AFTPH: variants seen among roughly 807,000 people sequenced by gnomAD.
The protein encoded by AFTPH is aftiphilin, also known as aftiphilin protein.
In AFTPH, 7 loss-of-function variants were observed where a neutral mutation model predicts 72.5. The ratio of observed to expected loss-of-function variants is 0.10; its 90% CI spans 0.05 to 0.18. AFTPH has a LOEUF of 0.18. Among genes scored for constraint, AFTPH ranks in the 10% least tolerant of loss-of-function variants. The pLI is 1.00. For synonymous variants in AFTPH, 337 were observed against 370.1 expected (o/e 0.91, Z 1.03); for missense variants, 979 against 1,060.5 (o/e 0.92, Z 1.07).
intron 8 of AFTPH, 140 bp from the exon 10 acceptor site, chr2:64,591,748 C>T: frequency 1.2e-6 from 1 of 850,510 alleles, no homozygotes; most frequent in South Asian, 1.7e-5. Context: ...AAAAGTATTA[C>T]AAGATTCAGG....
chr2:64,545,013 G>C (rs772325866), intron 1 of AFTPH, among the ~76,000 whole-genome samples: 5 of 152,276 alleles, frequency 3.3e-5, no homozygotes, highest in Non-Finnish European at 7.4e-5. Flanking sequence ...AAAAACTTGC[G>C]GAGTTGTTGC....
chr2:64,544,591 T>C (rs1670451589), intron 1 of AFTPH, among the ~76,000 whole-genome samples: 1 of 150,762 alleles, frequency 6.6e-6, no homozygotes, highest in Non-Finnish European at 1.5e-5. Context: ...ATCCTTTTTT[T>C]CCCCTGTTGA....
chr2:64,539,056 A>G (rs1670053363), intron 1 of AFTPH, among the ~76,000 whole-genome samples: 1 of 152,150 alleles, frequency 6.6e-6, no homozygotes, highest in Non-Finnish European at 1.5e-5. Flanking sequence ...CTCAGTATAC[A>G]CTAGTCACTT....
chr2:64,529,039 G>A (rs1669446621), intron 1 of AFTPH, among the ~76,000 whole-genome samples: 2 of 152,174 alleles, frequency 1.3e-5, no homozygotes, highest in Admixed American at 6.5e-5. Flanking sequence ...CAGTAGAGAT[G>A]AGAAGTGGTA....
intron 2 of AFTPH, among the ~76,000 whole-genome samples, chr2:64,560,157 T>G (rs1671631198): frequency 6.6e-6 from 1 of 152,146 alleles, no homozygotes; most frequent in Non-Finnish European, 1.5e-5. Flanking sequence ...AACGTGCCAG[T>G]CGAGAAGCTC....
At chr2:64,542,861 T>C (rs1670341388) in intron 1 of AFTPH, among the ~76,000 whole-genome samples, 1 of 152,232 alleles carries the variant, frequency 6.6e-6, no homozygotes, top group Admixed American at 6.5e-5. Context: ...TAGGTTATTA[T>C]TTTAGCCACA....
At chr2:64,570,922 C>A (rs527630017) in intron 5 of AFTPH, among the ~76,000 whole-genome samples, 1 of 129,812 alleles carries the variant, frequency 7.7e-6, no homozygotes, top group African/African-American at 2.7e-5. Flanking sequence ...CCCTCCCCCC[C>A]CCCCCCACCT....
chr2:64,542,250 C>G lies in AFTPH; in HGVS notation c.-32-9193C>G, dbSNP rs192293291. Among the ~76,000 whole-genome samples, 294 of 152,250 alleles carry G rather than the reference C, an allele frequency of 1.9e-3. 5 individuals are homozygous for G. The highest frequency in any genetic ancestry group is 0.016 in the Admixed American group (250 of 15,282). ...TCTTACTTAGAGACACTCCACCCCC[C>G]TCAAATGTGAGCCCATGGACCTTTA... On this transcript the variant is annotated intron_variant, in intron 1 of 8. Transcript: ENST00000238856.
At chr2:64,571,151 C>T (rs193190043) in intron 5 of AFTPH, among the ~76,000 whole-genome samples, 9 of 152,104 alleles carry the variant, frequency 5.9e-5, no homozygotes, top group African/African-American at 2.2e-4. Context: ...CTTTTGATCT[C>T]ACCCGGAGAA....
intron 1 of AFTPH, among the ~76,000 whole-genome samples, chr2:64,525,260 GTGCCTGGTT>G (rs1669187480): frequency 6.6e-6 from 1 of 152,234 alleles, no homozygotes; most frequent in Non-Finnish European, 1.5e-5. Context: ...TATTCCTTAA[GTGCCTGGTT>G]TGGCAGGTGC....
At chr2:64,549,308 C>CTTTTTTTTTTTTTTTTTTTT (rs34951706) in intron 1 of AFTPH, among the ~76,000 whole-genome samples, 2 of 56,026 alleles carry the variant, frequency 3.6e-5, no homozygotes, top group African/African-American at 1.2e-4. Flanking sequence ...TTAGTCCTCC[C>CTTTTTTTTTTTTTTTTTTTT]TTTTTTTTTT....
chr2:64,556,148 C>T (rs555642095), intron 2 of AFTPH, among the ~76,000 whole-genome samples: 11 of 152,156 alleles, frequency 7.2e-5, no homozygotes, highest in South Asian at 4.2e-4. Flanking sequence ...CCACCACGCC[C>T]GGCTAATTTT....
chr2:64,553,359 A>G (rs1462309119), exon 2 of AFTPH: 1 of 1,607,310 alleles, frequency 6.2e-7, no homozygotes, highest in African/African-American at 1.3e-5. Context: ...AGCAACTTCC[A>G]AAGGAGCAGT....
intron 1 of AFTPH, among the ~76,000 whole-genome samples, chr2:64,536,906 T>C (rs1669922961): frequency 6.9e-6 from 1 of 145,026 alleles, no homozygotes; most frequent in Non-Finnish European, 1.5e-5. Flanking sequence ...TGAGCCATGA[T>C]TGCACCACTG....
At chr2:64,584,591 T>C (rs1441284742) in intron 7 of AFTPH, among the ~76,000 whole-genome samples, 3 of 137,970 alleles carry the variant, frequency 2.2e-5, no homozygotes, top group East Asian at 2.2e-4. Context: ...TCCTTAGTCA[T>C]GATTTTTTTT....
rs763135763 is a variant in AFTPH at position 64,569,246 on chromosome 2, T to G, written c.2214+28T>G. 1.6e-5 allele frequency: 25 copies of G among 1,591,764 alleles called. No individual in the cohort carries two copies. In the Admixed American group the frequency reaches 4.2e-4, roughly 27 times the overall value. On this transcript the variant is annotated intron_variant, in intron 4 of 8. Coordinates refer to ENST00000238856, the Ensembl canonical transcript of AFTPH. ...GAGTTTGTTAGTACCTTGAAAAATC[T>G]TTTAATCAACCTGTGGATGTTTTAA... is the stretch of plus-strand genomic sequence containing the variant.
chr2:64,524,560 T>G (rs1669128616), exon 1 of AFTPH: 1 of 397,356 alleles, frequency 2.5e-6, no homozygotes, highest in Non-Finnish European at 4.4e-6. Context: ...GGGGAGTCAG[T>G]TCCTCCCCGG....
intron 6 of AFTPH, among the ~76,000 whole-genome samples, chr2:64,575,741 G>GTGTA (rs1672734264): frequency 7.8e-6 from 1 of 128,022 alleles, no homozygotes; most frequent in African/African-American, 2.6e-5. Flanking sequence ...GTGTGTGTGT[G>GTGTA]TATATATTTT....
chr2:64,564,659 G>T (rs888104134), intron 2 of AFTPH, among the ~76,000 whole-genome samples: 1 of 151,868 alleles, frequency 6.6e-6, no homozygotes, highest in African/African-American at 2.4e-5. Flanking sequence ...GCAGAAACTG[G>T]AGTCTTGGCC....
Sources: allele counts gnomAD v4.1 joint callset (sites outside exome capture counted in the v4.1 genomes callset), GRCh38; gene constraint gnomAD v4.1.1; transcripts MANE v1.5; gene names NCBI Gene and HGNC (gene_info 2026-07-23, HGNC 2026-07-21).